Variants in ERMP1 observed in about 807,000 individuals in gnomAD.
ERMP1 encodes the protein endoplasmic reticulum metallopeptidase 1.
ERMP1 carries 86 observed loss-of-function variants against 92.0 expected under a neutral mutation model. The observed-to-expected ratio is 0.93, with a 90% CI of 0.79 to 1.12. The LOEUF is 1.12. Ranked by LOEUF, ERMP1 falls within the 50% of genes most tolerant of loss-of-function variation. The pLI is 0.00. For missense variants in ERMP1, 1,342 were observed against 1,116.3 expected (o/e 1.20, Z -2.88); for synonymous variants, 530 against 412.8 (o/e 1.28, Z -3.44).
rs1827901834 is a variant in ERMP1, at chr9:5,785,566, C to T, written c.*1578G>A. 6.6e-6 allele frequency: 1 copy of T among 152,442 alleles called. No homozygotes were observed. Among genetic ancestry groups the T allele is most frequent in the Non-Finnish European group, 1.5e-5 (1 of 68,042 alleles). The allele number at this position is 152,442 out of a possible 1,614,324, so 9.4% of individuals were successfully genotyped here. A position where few individuals can be genotyped will look rare whatever the true frequency, so the allele number is the denominator to read the frequency against. ...CTGGTTGCAGCCCCATCTACATGGG[C>T]CCAGTTAGTTTTTAGGGAGTCACAG... On this transcript the variant is annotated 3_prime_UTR_variant, in exon 15 of 15. Coordinates refer to ENST00000339450, the MANE Select transcript of ERMP1 (RefSeq NM_024896.3).
intron 4 of ERMP1, among the ~76,000 whole-genome samples, chr9:5,821,702 G>C (rs1829542215): frequency 6.6e-6 from 1 of 152,188 alleles, no homozygotes; most frequent in Admixed American, 6.5e-5. Context: ...CATAAGGCTG[G>C]TTTTTCTCTG....
chr9:5,798,749 A>C, intron 12 of ERMP1, 57 bp downstream of exon 12: 3 of 1,080,404 alleles, frequency 2.8e-6, no homozygotes, highest in Non-Finnish European at 2.8e-6. Context: ...AAGAGTACTG[A>C]TATGGTGACA....
chr9:5,808,686 C>T (rs1198696874), intron 8 of ERMP1, among the ~76,000 whole-genome samples: 1 of 152,224 alleles, frequency 6.6e-6, no homozygotes, highest in Non-Finnish European at 1.5e-5. Flanking sequence ...GAAACCATGA[C>T]TCTTCACTGT....
Position 5,798,894 on chromosome 9 carries a change from C to G in ERMP1, c.2182G>C (p.Glu728Gln). 6.2e-7 allele frequency: 1 copy of G among 1,613,516 alleles called. No homozygotes were observed. The highest frequency in any genetic ancestry group is 8.5e-7 in the Non-Finnish European group (1 of 1,179,510). The change falls in exon 12 of 15, where the codon GAG becomes CAG. Residue 728 changes from glutamate (E) to glutamine (Q), a missense_variant. Glu to Gln is a conservative substitution (Grantham distance 29). Transcript: ENST00000339450. The part of the protein sequence containing the change: ...GISHITPHIP[E>Q]INDSIRAHCE... Reference sequence around the variant, plus strand: ...TGAGCTCGGATACTATCATTGATCTCAGGAATGTGAGGGGTTATGTGAGAA... The same window carrying G: ...TGAGCTCGGATACTATCATTGATCTGAGGAATGTGAGGGGTTATGTGAGAA...
chr9:5,857,652 A>C (rs758523446), intron 6 of ERMP1, among the ~76,000 whole-genome samples: 4 of 152,210 alleles, frequency 2.6e-5, no homozygotes, highest in Non-Finnish European at 5.9e-5. Flanking sequence ...ATAAAGGTCA[A>C]CTTCCTGAGT....
Position 5,830,738 on chromosome 9 carries a change from GCTA to G in ERMP1, c.626_628del (p.Val209del). ...AAACAGGTACATACCTGGTGAGTTT[GCTA>G]CTGAGTCAAAATGACAATTAGCCAA... On this transcript the variant is annotated inframe_deletion, in exon 2 of 15. Transcript: ENST00000339450. 6.2e-7 allele frequency: 1 copy of G among 1,611,994 alleles called. No homozygotes were observed. The highest frequency in any genetic ancestry group is 2.2e-5 in the East Asian group (1 of 44,846).
chr9:5,812,241 A>C lies in ERMP1; in HGVS notation c.1022-24T>G, dbSNP rs763673362. ...TCCTAAAACATATATATAGAAAAAA[A>C]AAAGTCATTTTGCTTTAAAGATCAA... is the stretch of plus-strand genomic sequence containing the variant. On this transcript the variant is annotated intron_variant, in intron 5 of 14. Transcript: ENST00000339450. 2.8e-6 allele frequency: 4 copies of C among 1,403,760 alleles called. No individual in the cohort carries two copies. In the South Asian group the frequency reaches 5.3e-5, roughly 19 times the overall value. 87.0% of individuals were successfully genotyped at this position (1,403,760 alleles called of 1,614,324 possible).
In ERMP1 at chr9:5,795,714, G is replaced by T. The variant is rs1828396523; in HGVS notation, c.2386+2103C>A. ...AATCACTTGAACCCAGGAGGCAGAG[G>T]TTGCCGTGAGCCGAGATCGTACCAC... On this transcript the variant is annotated intron_variant, in intron 13 of 14. Coordinates refer to ENST00000339450, the MANE Select transcript of ERMP1 (RefSeq NM_024896.3). Among the ~76,000 whole-genome samples the T allele has an allele frequency of 2.6e-5, 4 of 152,108 alleles. No individual in the cohort carries two copies. The South Asian group carries it at 8.3e-4, about 32-fold the overall frequency.
chr9:5,863,705 A>T (rs1391794423), intron 5 of ERMP1, among the ~76,000 whole-genome samples: 1 of 152,260 alleles, frequency 6.6e-6, no homozygotes, highest in African/African-American at 2.4e-5. Flanking sequence ...CCTTCAAAAA[A>T]TAATTTTAAA....
At chr9:5,821,112 A>G (rs1003614073) in intron 4 of ERMP1, among the ~76,000 whole-genome samples, 1 of 152,268 alleles carries the variant, frequency 6.6e-6, no homozygotes, top group African/African-American at 2.4e-5. Flanking sequence ...GGGATTTCAG[A>G]ACAAGTAAAA....
intron 6 of ERMP1, among the ~76,000 whole-genome samples, chr9:5,841,992 T>A (rs956105750): frequency 1.3e-5 from 2 of 152,186 alleles, no homozygotes; most frequent in African/African-American, 4.8e-5. Flanking sequence ...GGTGGGTTCA[T>A]GGTCTTGCTG....
chr9:5,848,146 C>T (rs1286641176), intron 6 of ERMP1, among the ~76,000 whole-genome samples: 2 of 152,120 alleles, frequency 1.3e-5, no homozygotes, highest in Non-Finnish European at 2.9e-5. Context: ...GACCTTTGAA[C>T]GTATTCCTTT....
At chr9:5,805,340 A>C (rs536636615) in intron 9 of ERMP1, 123 bp from the exon 10 acceptor site, 17 of 754,588 alleles carry the variant, frequency 2.3e-5, no homozygotes, top group African/African-American at 3.5e-5. Context: ...CTTGCCCTTA[A>C]GGGTGTATGT....
chr9:5,795,288 C>T (rs141867485), intron 13 of ERMP1, among the ~76,000 whole-genome samples: 1 of 152,286 alleles, frequency 6.6e-6, no homozygotes, highest in East Asian at 1.9e-4. Context: ...TAGCTAACAA[C>T]ATACTCAGTG....
At chr9:5,859,449 G>C (rs1035591976) in intron 6 of ERMP1, among the ~76,000 whole-genome samples, 1 of 152,158 alleles carries the variant, frequency 6.6e-6, no homozygotes, top group Non-Finnish European at 1.5e-5. Context: ...TAACTAATCT[G>C]AAAATCATGC....
chr9:5,835,988 G>GCCC (rs1830092100), upstream of ERMP1, among the ~76,000 whole-genome samples: 2 of 152,218 alleles, frequency 1.3e-5, no homozygotes, highest in Admixed American at 1.3e-4. Context: ...GGTTGTGGCT[G>GCCC]CCCCGTCTGG....
chr9:5,849,006 T>G (rs10975317), intron 6 of ERMP1, among the ~76,000 whole-genome samples: 11,684 of 152,062 alleles, frequency 0.077, 561 homozygotes, highest in Middle Eastern at 0.12. Flanking sequence ...TTGATTATTT[T>G]TATTTTTATT....
chr9:5,820,104 G>C (rs1784480652), intron 4 of ERMP1, among the ~76,000 whole-genome samples: 1 of 152,142 alleles, frequency 6.6e-6, no homozygotes, highest in African/African-American at 2.4e-5. Context: ...TTCGAGACCA[G>C]CCTGGCCAAC....
intron 6 of ERMP1, among the ~76,000 whole-genome samples, chr9:5,843,237 C>G (rs190160853): frequency 9.8e-5 from 15 of 152,322 alleles, no homozygotes; most frequent in African/African-American, 3.6e-4. Flanking sequence ...TAACAGTAAC[C>G]ATAGCTCTGC....
Sources: allele counts gnomAD v4.1 joint callset (sites outside exome capture counted in the v4.1 genomes callset), GRCh38; gene constraint gnomAD v4.1.1; transcripts MANE v1.5; gene names NCBI Gene and HGNC (gene_info 2026-07-23, HGNC 2026-07-21).